The following SNAPC3 variants were observed in gnomAD, a reference collection of about 807,000 sequenced individuals.
SNAPC3 encodes snRNA-activating protein complex subunit 3.
In SNAPC3, 56 loss-of-function variants were observed where a neutral mutation model predicts 47.7. The observed-to-expected ratio is 1.18, with a 90% CI of 0.95 to 1.47. The LOEUF is 1.47. Ranked by LOEUF, SNAPC3 falls within the 40% of genes most tolerant of loss-of-function variation. The pLI, the probability that SNAPC3 is intolerant of heterozygous loss-of-function variation, is 0.00. For synonymous variants in SNAPC3, 235 were observed against 189.9 expected, an observed-to-expected ratio of 1.24 and a Z score of -1.95; for missense variants, 665 against 511.3, an observed-to-expected ratio of 1.30 and a Z score of -2.90.
intron 3 of SNAPC3, among the ~76,000 whole-genome samples, chr9:15,436,822 T>G (rs2032851950): frequency 4.3e-4 from 2 of 4,656 alleles, no homozygotes; most frequent in Non-Finnish European, 1.9e-3. Flanking sequence ...TTACAGCAGT[T>G]TTTTTTTTTT....
chr9:15,463,504 G>GGGTA (rs2035383947), downstream of SNAPC3: 1 of 134,112 alleles, frequency 7.5e-6, no homozygotes, highest in African/African-American at 2.6e-5. Flanking sequence ...GGGGTGGGGT[G>GGGTA]GGGTGGGGTG....
At chr9:15,441,923 G>A (rs1178382369) in intron 3 of SNAPC3, among the ~76,000 whole-genome samples, 3 of 152,270 alleles carry the variant, frequency 2.0e-5, no homozygotes, top group East Asian at 3.9e-4. Flanking sequence ...CCTCCCAGAC[G>A]TGGTGGCGGC....
chr9:15,440,362 G>A (rs2033213638), intron 3 of SNAPC3, among the ~76,000 whole-genome samples: 1 of 152,106 alleles, frequency 6.6e-6, no homozygotes, highest in South Asian at 2.1e-4. Context: ...TACAGGTCAG[G>A]TCTGCTGGTA....
intron 7 of SNAPC3, among the ~76,000 whole-genome samples, chr9:15,455,919 A>G (rs10756667): frequency 0.91 from 138,121 of 151,980 alleles, 63,018 homozygotes; most frequent in African/African-American, 0.94. Context: ...TTGTTGTCCC[A>G]GCTGGAGTGC....
At chr9:15,428,851 G>T (rs572689078) in intron 2 of SNAPC3, among the ~76,000 whole-genome samples, 7 of 151,938 alleles carry the variant, frequency 4.6e-5, no homozygotes, top group Non-Finnish European at 1.0e-4. Context: ...AGAAAGTAGG[G>T]AATGGTAGGT....
chr9:15,452,226 C>A (rs551533320), intron 6 of SNAPC3, among the ~76,000 whole-genome samples: 1 of 152,134 alleles, frequency 6.6e-6, no homozygotes, highest in South Asian at 2.1e-4. Context: ...GCCTCCCAAA[C>A]TGCTAACGTT....
Position 15,453,216 on chromosome 9 carries a change from G to C in SNAPC3, c.980+11G>C. 1 of 1,585,206 alleles carries C rather than the reference G, an allele frequency of 6.3e-7. No individual in the cohort carries two copies. Among genetic ancestry groups the C allele is most frequent in the Non-Finnish European group, 8.6e-7 (1 of 1,164,136 alleles). On this transcript the variant is annotated intron_variant, in intron 7 of 8. Transcript: ENST00000380821. ...CATTACTGACATAAGGTAGGTGACA[G>C]CACTTAAGACATTTTGTTACCTTTT... is the stretch of plus-strand genomic sequence containing the variant.
In SNAPC3 at chr9:15,444,599, C is replaced by T. The variant is rs781004573; in HGVS notation, c.478-3C>T. ...ATTTCAGTGTCTCTTTTTCTTTCTT[C>T]AGGAGTCACATGCCATAGGAAAAAA... On this transcript the variant is annotated splice_region_variant and splice_polypyrimidine_tract_variant and intron_variant, in intron 3 of 8. Transcript: ENST00000380821. 2.5e-6 allele frequency: 4 copies of T among 1,580,184 alleles called. No homozygotes were observed. The South Asian group carries it at 3.3e-5, about 13-fold the overall frequency.
downstream of SNAPC3, chr9:15,464,006 C>T (rs578064899): frequency 2.9e-5 from 5 of 170,954 alleles, no homozygotes; most frequent in African/African-American, 1.2e-4. Context: ...TCCTTGGCAG[C>T]AAACCCAGAA....
intron 1 of SNAPC3, 116 bp downstream of exon 1, chr9:15,423,309 G>A (rs2030843332): frequency 1.8e-6 from 2 of 1,081,142 alleles, no homozygotes; most frequent in Non-Finnish European, 2.5e-6. Context: ...CCTGGGCTAG[G>A]AGTATTACCC....
intron 2 of SNAPC3, among the ~76,000 whole-genome samples, chr9:15,427,068 A>G (rs1409710046): frequency 6.6e-6 from 1 of 152,234 alleles, no homozygotes; most frequent in Non-Finnish European, 1.5e-5. Flanking sequence ...ATTATGACAT[A>G]AAATAAATTT....
At chr9:15,424,115 T>C in intron 2 of SNAPC3, 129 bp downstream of exon 2, 1 of 462,524 alleles carries the variant, frequency 2.2e-6, no homozygotes. Context: ...GTTCTTAATA[T>C]TTGACCATAT....
intron 2 of SNAPC3, among the ~76,000 whole-genome samples, chr9:15,427,795 A>C (rs1399010636): frequency 6.6e-6 from 1 of 152,228 alleles, no homozygotes; most frequent in African/African-American, 2.4e-5. Context: ...TGCAAAAACA[A>C]AAAACAAAAG....
chr9:15,425,925 G>T (rs1233597071), intron 2 of SNAPC3, among the ~76,000 whole-genome samples: 1 of 152,142 alleles, frequency 6.6e-6, no homozygotes, highest in Non-Finnish European at 1.5e-5. Flanking sequence ...GCAATGGTGC[G>T]ATCCCGGCTC....
rs902504232 is a variant in SNAPC3 at position 15,433,469 on chromosome 9, A to C, written c.393-83A>C. ...ACTTAAAATTAGTTCAAAATAAAAA[A>C]ACTTGAATGTTAAATATGTTTTTGA... On this transcript the variant is annotated intron_variant, in intron 2 of 8. Coordinates refer to ENST00000380821, the MANE Select transcript of SNAPC3 (RefSeq NM_001039697.2). The C allele has an allele frequency of 4.7e-5, 41 of 869,352 alleles. No individual in the cohort carries two copies. In the African/African-American group the frequency reaches 6.8e-4, roughly 14 times the overall value. The allele number at this position is 869,352 out of a possible 1,614,324, so 53.9% of individuals were successfully genotyped here.
intron 3 of SNAPC3, among the ~76,000 whole-genome samples, chr9:15,439,130 C>T (rs1444915576): frequency 6.6e-6 from 1 of 152,102 alleles, no homozygotes; most frequent in Admixed American, 6.5e-5. Flanking sequence ...CCACCTCCAC[C>T]TCCCAAGTAG....
chr9:15,458,080 G>GT lies in SNAPC3; in HGVS notation c.1088+14dup, dbSNP rs763234959. 6.9e-5 allele frequency: 84 copies of GT among 1,222,364 alleles called. No homozygotes were observed. Among genetic ancestry groups the GT allele is most frequent in the Non-Finnish European group, 8.5e-5 (78 of 917,382 alleles). The allele number at this position is 1,222,364 out of a possible 1,614,324, so 75.7% of individuals were successfully genotyped here. On this transcript the variant is annotated intron_variant, in intron 8 of 8. Transcript: ENST00000380821. ...TGTATACAGCCAGGTGAGTGATAAT[G>GT]TATTTTTTTTTTTCTCTGAGAAATG... is the stretch of plus-strand genomic sequence containing the variant.
At chr9:15,466,637 G>A, downstream of SNAPC3, 1 of 746,246 alleles carries the variant, frequency 1.3e-6, no homozygotes, top group Non-Finnish European at 2.1e-6. Flanking sequence ...TTCAGGAATT[G>A]GGTGATCAAA....
intron 3 of SNAPC3, among the ~76,000 whole-genome samples, chr9:15,435,641 A>G (rs1019476809): frequency 7.2e-5 from 11 of 151,744 alleles, no homozygotes; most frequent in Admixed American, 6.6e-4. Flanking sequence ...TGGCAGGACA[A>G]TCACTAGAAC....
Sources: allele counts gnomAD v4.1 joint callset (sites outside exome capture counted in the v4.1 genomes callset), GRCh38; gene constraint gnomAD v4.1.1; transcripts MANE v1.5; gene names NCBI Gene and HGNC (gene_info 2026-07-23, HGNC 2026-07-21).